The following CSMD3 variants were observed in gnomAD, a reference collection of about 807,000 sequenced individuals.
CSMD3 encodes the protein CUB and Sushi multiple domains 3.
CSMD3 carries 177 observed loss-of-function variants against 435.2 expected under a neutral mutation model. The observed-to-expected ratio is 0.41, with a 90% CI of 0.36 to 0.46. The LOEUF (loss-of-function observed/expected upper bound fraction) is 0.46. CSMD3 is among the 20% of genes least tolerant of loss of function. The pLI is 0.34. For synonymous variants in CSMD3, 1,656 were observed against 1,520.5 expected, an observed-to-expected ratio of 1.09 and a Z score of -2.07; for missense variants, 4,265 against 4,504.6, an observed-to-expected ratio of 0.95 and a Z score of 1.52.
At chr8:113,135,092 G>T (rs1221752611) in intron 4 of CSMD3, among the ~76,000 whole-genome samples, 2 of 151,990 alleles carry the variant, frequency 1.3e-5, no homozygotes, top group African/African-American at 2.4e-5. Flanking sequence ...TACTAGGAAT[G>T]AAAGTGCTAA....
At chr8:112,893,227 T>C (rs1242201192) in intron 10 of CSMD3, among the ~76,000 whole-genome samples, 1 of 151,484 alleles carries the variant, frequency 6.6e-6, no homozygotes, top group African/African-American at 2.4e-5. Flanking sequence ...GCAGTAGATA[T>C]AATTACCTAC....
chr8:112,905,441 G>T, intron 10 of CSMD3, among the ~76,000 whole-genome samples: 1 of 151,242 alleles, frequency 6.6e-6, no homozygotes, highest in East Asian at 2.0e-4. Flanking sequence ...TTCAAGCAAA[G>T]ACATTGACTG....
chr8:113,367,260 T>C (rs1055880854), intron 1 of CSMD3, among the ~76,000 whole-genome samples: 2 of 151,982 alleles, frequency 1.3e-5, no homozygotes, highest in African/African-American at 4.8e-5. Flanking sequence ...GCTATACTTA[T>C]TTCATTCAAC....
intron 58 of CSMD3, among the ~76,000 whole-genome samples, chr8:112,286,284 T>G (rs1407799863): frequency 6.6e-6 from 1 of 152,168 alleles, no homozygotes; most frequent in East Asian, 1.9e-4. Flanking sequence ...TCTACTATTC[T>G]TTCCACAGTT....
chr8:112,734,736 G>C (rs1021793731), intron 13 of CSMD3, among the ~76,000 whole-genome samples: 3 of 151,816 alleles, frequency 2.0e-5, no homozygotes, highest in African/African-American at 7.2e-5. Flanking sequence ...AATATTTTAT[G>C]TTTAAATTAT....
intron 13 of CSMD3, among the ~76,000 whole-genome samples, chr8:112,741,155 T>C (rs975280914): frequency 1.3e-5 from 2 of 151,740 alleles, no homozygotes; most frequent in Admixed American, 1.3e-4. Context: ...AAATATGATG[T>C]GTCATCAAGA....
At chr8:112,523,144 G>C (rs192901561) in intron 27 of CSMD3, among the ~76,000 whole-genome samples, 1 of 151,942 alleles carries the variant, frequency 6.6e-6, no homozygotes, top group African/African-American at 2.4e-5. Context: ...TTTCAAAGAA[G>C]AAAAATCTTG....
chr8:113,285,137 A>T (rs887132257), intron 2 of CSMD3, among the ~76,000 whole-genome samples: 27 of 152,206 alleles, frequency 1.8e-4, no homozygotes, highest in Admixed American at 1.7e-3. Context: ...ATTTTGAATG[A>T]ATAGAACATA....
intron 2 of CSMD3, chr8:113,312,185 C>G (rs530697044): frequency 1.2e-4 from 19 of 152,052 alleles, no homozygotes; most frequent in Non-Finnish European, 2.5e-4. Flanking sequence ...AATGATAGTT[C>G]TGCCTTTTGC....
At chr8:113,232,044 A>T (rs933508625) in intron 3 of CSMD3, among the ~76,000 whole-genome samples, 1 of 151,554 alleles carries the variant, frequency 6.6e-6, no homozygotes, top group Non-Finnish European at 1.5e-5. Flanking sequence ...CACTACTTGC[A>T]TCGCAATTCA....
chr8:112,345,077 T>C (rs1825534165), intron 41 of CSMD3, among the ~76,000 whole-genome samples: 5 of 152,158 alleles, frequency 3.3e-5, no homozygotes, highest in Admixed American at 3.3e-4. Flanking sequence ...TAAGTCTGTC[T>C]AGCTATATCA....
chr8:113,421,776 G>A (rs1249183263), intron 1 of CSMD3, among the ~76,000 whole-genome samples: 1 of 152,022 alleles, frequency 6.6e-6, no homozygotes, highest in East Asian at 1.9e-4. Flanking sequence ...CTTTCCAAAA[G>A]GAATGCAACT....
chr8:113,065,839 T>C (rs1014032867), intron 5 of CSMD3, among the ~76,000 whole-genome samples: 12 of 152,192 alleles, frequency 7.9e-5, no homozygotes, highest in African/African-American at 2.9e-4. Flanking sequence ...TCAATAGTTT[T>C]TATATCACAT....
At chr8:112,515,652 G>C (rs1209189747) in intron 28 of CSMD3, among the ~76,000 whole-genome samples, 1 of 151,972 alleles carries the variant, frequency 6.6e-6, no homozygotes, top group African/African-American at 2.4e-5. Flanking sequence ...AATCTGAACT[G>C]TTCAAGTGAT....
intron 16 of CSMD3, among the ~76,000 whole-genome samples, 193 bp downstream of exon 16, chr8:112,682,249 G>A (rs953035491): frequency 6.6e-6 from 1 of 151,938 alleles, no homozygotes; most frequent in African/African-American, 2.4e-5. Context: ...GCTTCTAAAA[G>A]GTTTCTAAAA....
chr8:113,090,446 T>C (rs2089965282), intron 5 of CSMD3, among the ~76,000 whole-genome samples: 1 of 152,184 alleles, frequency 6.6e-6, no homozygotes. Context: ...TTCTCAATTA[T>C]TAAAACCTTA....
intron 24 of CSMD3, among the ~76,000 whole-genome samples, chr8:112,560,615 A>T (rs1015965200): frequency 6.6e-6 from 1 of 151,744 alleles, no homozygotes; most frequent in Non-Finnish European, 1.5e-5. Context: ...ACAGCATCAG[A>T]GACATAGCCA....
At chr8:112,641,064 A>T (rs1432759378) in intron 20 of CSMD3, among the ~76,000 whole-genome samples, 1 of 152,132 alleles carries the variant, frequency 6.6e-6, no homozygotes, top group Non-Finnish European at 1.5e-5. Flanking sequence ...TGGGGTTCTA[A>T]TAGAGTTGTT....
At position 113,061,361 on chromosome 8, in the gene CSMD3, C is replaced by T. The variant is rs1403877251; in HGVS notation, c.917+37395G>A. The stretch of plus-strand genomic sequence containing the variant: ...AGAGGAATTATTGTCCACATGAATA[C>T]TAGATTCATCCAAGAGTTTAATTAT... On this transcript the variant is annotated intron_variant, in intron 5 of 70. Transcript: ENST00000297405. Among the ~76,000 whole-genome samples, 3 of 151,994 alleles carry T rather than the reference C, an allele frequency of 2.0e-5. No individual in the cohort carries two copies. The East Asian group carries it at 5.8e-4, about 29-fold the overall frequency.
Sources: allele counts gnomAD v4.1 joint callset (sites outside exome capture counted in the v4.1 genomes callset), GRCh38; gene constraint gnomAD v4.1.1; transcripts MANE v1.5; gene names NCBI Gene and HGNC (gene_info 2026-07-23, HGNC 2026-07-21).